TMEM178B: variants seen among roughly 807,000 people sequenced by gnomAD.
TMEM178B encodes the protein transmembrane protein 178B.
In TMEM178B, 5 loss-of-function variants were observed where a neutral mutation model predicts 31.0. That is an observed-to-expected ratio of 0.16 (90% CI 0.08 to 0.34). The LOEUF (loss-of-function observed/expected upper bound fraction) is 0.34. TMEM178B is among the 10% of genes least tolerant of loss of function. The probability of loss-of-function intolerance (pLI) is 1.00; values close to 1 mark genes in which losing one functional copy is unlikely to be tolerated. For synonymous variants in TMEM178B, 164 were observed against 164.0 expected, an observed-to-expected ratio of 1.00 and a Z score of 0.00; for missense variants, 275 against 400.3, an observed-to-expected ratio of 0.69 and a Z score of 2.67.
intron 1 of TMEM178B, among the ~76,000 whole-genome samples, chr7:141,141,027 G>C (rs1246143289): frequency 6.6e-6 from 1 of 152,168 alleles, no homozygotes; most frequent in African/African-American, 2.4e-5. Flanking sequence ...GGAGTTGGGA[G>C]TTACACTTCC....
At chr7:141,411,578 A>G (rs1800990926) in intron 2 of TMEM178B, among the ~76,000 whole-genome samples, 1 of 152,202 alleles carries the variant, frequency 6.6e-6, no homozygotes, top group Admixed American at 6.5e-5. Flanking sequence ...TCTTAGCTTT[A>G]GGATATAAAA....
the TMEM178B span, among the ~76,000 whole-genome samples, chr7:141,506,804 C>T: frequency 1.3e-5 from 2 of 152,150 alleles, no homozygotes; most frequent in African/African-American, 4.8e-5. Context: ...GTCCCTTCCG[C>T]CTATGAGCCT....
intron 2 of TMEM178B, among the ~76,000 whole-genome samples, chr7:141,377,386 G>T (rs549872633): frequency 6.6e-6 from 1 of 151,230 alleles, no homozygotes; most frequent in Admixed American, 6.6e-5. Context: ...GTTTCACCAC[G>T]TTGGCCGGCT....
intron 1 of TMEM178B, among the ~76,000 whole-genome samples, chr7:141,116,477 A>G (rs1003307320): frequency 1.3e-5 from 2 of 152,104 alleles, no homozygotes; most frequent in Non-Finnish European, 2.9e-5. Context: ...ATTCCAATGA[A>G]TTGAATCTCC....
At chr7:141,386,784 G>T (rs1283838966) in intron 2 of TMEM178B, among the ~76,000 whole-genome samples, 1 of 152,122 alleles carries the variant, frequency 6.6e-6, no homozygotes. Context: ...ATTTAATCAA[G>T]GGAAGGATCC....
chr7:141,350,392 T>C (rs1214326635), intron 2 of TMEM178B, among the ~76,000 whole-genome samples: 1 of 152,134 alleles, frequency 6.6e-6, no homozygotes, highest in African/African-American at 2.4e-5. Flanking sequence ...CCCACTAGAA[T>C]GTAAGGTCTG....
At chr7:141,365,459 G>A (rs1380980454) in intron 2 of TMEM178B, among the ~76,000 whole-genome samples, 1 of 152,110 alleles carries the variant, frequency 6.6e-6, no homozygotes, top group East Asian at 1.9e-4. Flanking sequence ...ATGAATTGGG[G>A]CCCATCTCCT....
chr7:141,146,526 A>G (rs1795854821), intron 1 of TMEM178B, among the ~76,000 whole-genome samples: 1 of 152,220 alleles, frequency 6.6e-6, no homozygotes, highest in African/African-American at 2.4e-5. Flanking sequence ...ATGTATATAC[A>G]GAGTGTAATT....
At chr7:141,416,791 C>T (rs189661889) in intron 2 of TMEM178B, among the ~76,000 whole-genome samples, 7 of 152,252 alleles carry the variant, frequency 4.6e-5, no homozygotes, top group Admixed American at 2.0e-4. Flanking sequence ...ATGGGGCTAA[C>T]GGGGTGGGGA....
At chr7:141,163,512 ATTT>A (rs11352984) in intron 1 of TMEM178B, among the ~76,000 whole-genome samples, 2 of 139,878 alleles carry the variant, frequency 1.4e-5, no homozygotes, top group Admixed American at 7.2e-5. Flanking sequence ...GCAAACAGCA[ATTT>A]TTTTTTTTTT....
chr7:141,078,912 A>G (rs1237739917), intron 1 of TMEM178B, among the ~76,000 whole-genome samples: 3 of 152,162 alleles, frequency 2.0e-5, no homozygotes, highest in Non-Finnish European at 4.4e-5. Context: ...GGGAGCTCGT[A>G]TATCAAATCC....
chr7:141,334,354 G>A (rs1046823383), intron 2 of TMEM178B, among the ~76,000 whole-genome samples: 1 of 152,202 alleles, frequency 6.6e-6, no homozygotes. Flanking sequence ...TCTCCATGCA[G>A]GTTTATTTTG....
At chr7:141,443,532 A>G (rs2116691583) in intron 3 of TMEM178B, among the ~76,000 whole-genome samples, 1 of 152,284 alleles carries the variant, frequency 6.6e-6, no homozygotes, top group Middle Eastern at 3.4e-3. Context: ...TCACGATTAG[A>G]CTGGGTTAGG....
rs185143773 is a variant in TMEM178B, at chr7:141,321,610, C to T, written c.496+108906C>T. 3.9e-5 allele frequency among the ~76,000 whole-genome samples: 6 copies of T among 152,178 alleles called. No individual in the cohort carries two copies. The East Asian group carries it at 5.8e-4, about 15-fold the overall frequency. On this transcript the variant is annotated intron_variant, in intron 2 of 3. Transcript: ENST00000565468. Reference sequence around the variant, plus strand: ...GGCTTTAAGGGCTCAACCGTGGCTCCGTTACTTGTAATTTTGTTCTGCTAA... The same window carrying T: ...GGCTTTAAGGGCTCAACCGTGGCTCTGTTACTTGTAATTTTGTTCTGCTAA...
chr7:141,339,608 TGAG>T (rs1254619705), intron 2 of TMEM178B, among the ~76,000 whole-genome samples: 22 of 152,114 alleles, frequency 1.4e-4, no homozygotes, highest in Non-Finnish European at 2.6e-4. Context: ...AATAGAAAAA[TGAG>T]GACATTCATG....
intron 1 of TMEM178B, among the ~76,000 whole-genome samples, chr7:141,158,675 T>TG (rs1434061739): frequency 6.6e-6 from 1 of 152,162 alleles, no homozygotes; most frequent in East Asian, 1.9e-4. Flanking sequence ...GGAGCCCAGC[T>TG]GGGGATGCCT....
chr7:141,216,104 T>C (rs1464518873), intron 2 of TMEM178B, among the ~76,000 whole-genome samples: 1 of 152,056 alleles, frequency 6.6e-6, no homozygotes, highest in Non-Finnish European at 1.5e-5. Flanking sequence ...GTGCTGGGAT[T>C]ACAGGTGTGA....
At chr7:141,165,639 C>G (rs1452169026) in intron 1 of TMEM178B, among the ~76,000 whole-genome samples, 1 of 152,198 alleles carries the variant, frequency 6.6e-6, no homozygotes, top group Non-Finnish European at 1.5e-5. Context: ...CTCCTGGAAC[C>G]CCCTCCTTTC....
At chr7:141,395,381 C>T (rs1391029417) in intron 2 of TMEM178B, among the ~76,000 whole-genome samples, 1 of 152,184 alleles carries the variant, frequency 6.6e-6, no homozygotes, top group Non-Finnish European at 1.5e-5. Context: ...GTTGAGGCTG[C>T]AGGGAGCTGG....
Sources: gnomAD v4.1 joint callset for allele counts (sites outside exome capture counted in the v4.1 genomes callset) on GRCh38, gnomAD v4.1.1 for gene constraint, MANE v1.5 for transcripts, NCBI Gene and HGNC (gene_info 2026-07-23, HGNC 2026-07-21) for gene names.